MAP2K5: variants seen among roughly 807,000 people sequenced by gnomAD.
The protein encoded by MAP2K5 is mitogen-activated protein kinase kinase 5.
MAP2K5 carries 49 observed loss-of-function variants against 83.1 expected under a neutral mutation model. That is an observed-to-expected ratio of 0.59 (90% confidence interval 0.47 to 0.75). The LOEUF (loss-of-function observed/expected upper bound fraction) is 0.75. Among genes scored for constraint, MAP2K5 ranks in the 30% least tolerant of loss-of-function variants. MAP2K5 has a pLI of 0.00. For synonymous variants in MAP2K5, 202 were observed against 191.8 expected (o/e 1.05, Z -0.44); for missense variants, 457 against 557.5 (o/e 0.82, Z 1.82).
chr15:67,566,594 T>C (rs538426645), intron 3 of MAP2K5, among the ~76,000 whole-genome samples: 12 of 152,344 alleles, frequency 7.9e-5, no homozygotes, highest in African/African-American at 2.6e-4. Context: ...CCTTTAATCA[T>C]TCTTTTTCAT....
chr15:67,592,935 GTCT>G lies in MAP2K5; in HGVS notation c.445_447del (p.Ser149del). 1.2e-6 allele frequency: 2 copies of G among 1,607,810 alleles called. No homozygotes were observed. The highest frequency in any genetic ancestry group is 2.7e-5 in the African/African-American group (2 of 74,852). Reference sequence around the variant, plus strand: ...TATCTTTCCTTTTCAGCTTAAAGAAGTCTTCTGCTGAACTGAAAAAAATACTAG... The same window carrying G: ...TATCTTTCCTTTTCAGCTTAAAGAAGTCTGCTGAACTGAAAAAAATACTAG... On this transcript the variant is annotated inframe_deletion, in exon 7 of 22. Coordinates refer to ENST00000178640, the MANE Select transcript of MAP2K5 (RefSeq NM_145160.3).
At chr15:67,674,450 G>T (rs1027930574) in intron 13 of MAP2K5, among the ~76,000 whole-genome samples, 3 of 151,978 alleles carry the variant, frequency 2.0e-5, no homozygotes, top group African/African-American at 7.3e-5. Flanking sequence ...ATTATAACTT[G>T]TGAATGTGTA....
At chr15:67,611,008 G>A (rs1481193848) in intron 8 of MAP2K5, among the ~76,000 whole-genome samples, 1 of 152,108 alleles carries the variant, frequency 6.6e-6, no homozygotes, top group Non-Finnish European at 1.5e-5. Flanking sequence ...TTGCTTTAGG[G>A]CACAATCAAT....
Position 67,644,093 on chromosome 15 carries a change from C to T in MAP2K5, c.586-2138C>T, listed in dbSNP as rs1209262494. On this transcript the variant is annotated intron_variant, in intron 9 of 21. Transcript: ENST00000178640. The surrounding 1 kb of genome is among the most constrained non-coding windows in gnomAD (Gnocchi z 4.6). ...CCACCTATTCTATTCTCATCACTGC[C>T]TTTTAAAAGTAAAAAACAAGCTGGG... 6.6e-6 allele frequency among the ~76,000 whole-genome samples: 1 copy of T among 152,168 alleles called. No individual in the cohort carries two copies. The highest frequency in any genetic ancestry group is 1.5e-5 in the Non-Finnish European group (1 of 68,032).
In MAP2K5 at chr15:67,545,111, G is replaced by A. The variant is rs1026677238; in HGVS notation, c.135+1641G>A. 1.7e-4 allele frequency among the ~76,000 whole-genome samples: 26 copies of A among 152,144 alleles called. 1 individual carries two copies. Among genetic ancestry groups the A allele is most frequent in the Non-Finnish European group, 2.2e-4 (15 of 68,030 alleles). On this transcript the variant is annotated intron_variant, in intron 1 of 21. Coordinates refer to ENST00000178640, the MANE Select transcript of MAP2K5 (RefSeq NM_145160.3). ...TTTCTCCCAGGTGTCCAGGCTGTCTGCACTCTGCTCTTCACCGGTCAATTC... is the reference window on the plus strand; with the variant it reads ...TTTCTCCCAGGTGTCCAGGCTGTCTACACTCTGCTCTTCACCGGTCAATTC...
chr15:67,580,686 C>A, intron 3 of MAP2K5, 68 bp from the exon 4 acceptor site: 1 of 991,122 alleles, frequency 1.0e-6, no homozygotes, highest in Non-Finnish European at 1.6e-6. Context: ...GTGAATTAAA[C>A]AACCCATAAG....
chr15:67,721,298 C>G (rs928427564), intron 16 of MAP2K5, among the ~76,000 whole-genome samples: 4 of 152,050 alleles, frequency 2.6e-5, no homozygotes, highest in Non-Finnish European at 5.9e-5. Context: ...TTTATTTGTG[C>G]TACTGTTTGG....
rs539369625 is a variant in MAP2K5, at chr15:67,770,377, C to A, written c.1196+714C>A. Among the ~76,000 whole-genome samples, 2 of 152,310 alleles carry A rather than the reference C, an allele frequency of 1.3e-5. No individual in the cohort carries two copies. Among genetic ancestry groups the A allele is most frequent in the Admixed American group, 6.5e-5 (1 of 15,294 alleles). Reference sequence around the variant, plus strand: ...TTTCACCATCATTCCCCTCTTCCCTCGTCCTGCAGGACTCATGTGGCCTTG... The same window carrying A: ...TTTCACCATCATTCCCCTCTTCCCTAGTCCTGCAGGACTCATGTGGCCTTG... On this transcript the variant is annotated intron_variant, in intron 20 of 21. Coordinates refer to ENST00000178640, the MANE Select transcript of MAP2K5 (RefSeq NM_145160.3). The surrounding 1 kb of genome is among the most constrained non-coding windows in gnomAD (Gnocchi z 5.0).
chr15:67,611,578 G>A (rs973190013), intron 8 of MAP2K5, among the ~76,000 whole-genome samples: 7 of 152,144 alleles, frequency 4.6e-5, no homozygotes, highest in Admixed American at 6.6e-5. Flanking sequence ...CAAGCTTCAT[G>A]TTATGGCCCC....
At chr15:67,624,306 TCCAGCCTG>T (rs2086260313) in intron 8 of MAP2K5, among the ~76,000 whole-genome samples, 1 of 123,030 alleles carries the variant, frequency 8.1e-6, no homozygotes, top group African/African-American at 3.2e-5. Context: ...GCTGCTGCAC[TCCAGCCTG>T]GGCGACAGAG....
At chr15:67,700,571 C>A (rs2088389893) in intron 15 of MAP2K5, among the ~76,000 whole-genome samples, 1 of 152,120 alleles carries the variant, frequency 6.6e-6, no homozygotes, top group Non-Finnish European at 1.5e-5. Flanking sequence ...GGCAGGCCAC[C>A]TTGGCTTCAA....
intron 2 of MAP2K5, among the ~76,000 whole-genome samples, chr15:67,558,103 T>A (rs901526990): frequency 1.3e-5 from 2 of 152,208 alleles, no homozygotes; most frequent in Non-Finnish European, 2.9e-5. Flanking sequence ...TTATTAATAG[T>A]CTTGCTAATT....
intron 19 of MAP2K5, among the ~76,000 whole-genome samples, chr15:67,762,490 A>G (rs1427202383): frequency 6.6e-6 from 1 of 152,066 alleles, no homozygotes; most frequent in Non-Finnish European, 1.5e-5. Context: ...TTTTCAAGAA[A>G]TGTAATAAAA....
rs144705301 is a variant in MAP2K5, at chr15:67,562,697, T to C, written c.185-586T>C. Reference sequence around the variant, plus strand: ...CCTGTATTAGAGCTGCTTTACAAGTTAACCTTGCACTAGGCCTAGGTTCTC... The same window carrying C: ...CCTGTATTAGAGCTGCTTTACAAGTCAACCTTGCACTAGGCCTAGGTTCTC... On this transcript the variant is annotated intron_variant, in intron 2 of 21. Coordinates refer to ENST00000178640, the MANE Select transcript of MAP2K5 (RefSeq NM_145160.3). The surrounding 1 kb of genome is among the most constrained non-coding windows in gnomAD (Gnocchi z 4.1). 0.015 allele frequency among the ~76,000 whole-genome samples: 2,339 copies of C among 152,314 alleles called. 26 individuals carry two copies. Among genetic ancestry groups the C allele is most frequent in the Middle Eastern group, 0.031 (9 of 294 alleles).
intron 8 of MAP2K5, among the ~76,000 whole-genome samples, chr15:67,607,099 T>C (rs1367914676): frequency 1.3e-5 from 2 of 152,224 alleles, no homozygotes; most frequent in Non-Finnish European, 2.9e-5. Context: ...AAAATTGACC[T>C]GAGAGCTAGA....
At chr15:67,792,851 G>T (rs1418570389) in intron 21 of MAP2K5, among the ~76,000 whole-genome samples, 3 of 152,176 alleles carry the variant, frequency 2.0e-5, no homozygotes, top group African/African-American at 7.2e-5. Flanking sequence ...GAATTCAGAG[G>T]ATCGGCAAGC....
At chr15:67,689,467 C>A (rs1487116781) in intron 13 of MAP2K5, among the ~76,000 whole-genome samples, 3 of 152,016 alleles carry the variant, frequency 2.0e-5, no homozygotes, top group Non-Finnish European at 2.9e-5. Flanking sequence ...ACAGAATGAA[C>A]AAAGCCTTAA....
Position 67,555,653 on chromosome 15 carries a change from A to C in MAP2K5, c.184+5571A>C, listed in dbSNP as rs2084609018. Among the ~76,000 whole-genome samples the C allele has an allele frequency of 6.6e-6, 1 of 152,220 alleles. No homozygotes were observed. Among genetic ancestry groups the C allele is most frequent in the Admixed American group, 6.5e-5 (1 of 15,276 alleles). On this transcript the variant is annotated intron_variant, in intron 2 of 21. Transcript: ENST00000178640. This position sits in a 1 kb window ranked among gnomAD's most constrained non-coding sequence, Gnocchi z 5.2. ...TTCCCTCCAACCCCATCAACTCTGG[A>C]TATTAGCAAACCTTTTAGTCAATGT...
intron 21 of MAP2K5, among the ~76,000 whole-genome samples, chr15:67,796,131 G>C (rs1484201954): frequency 6.6e-6 from 1 of 151,970 alleles, no homozygotes; most frequent in Non-Finnish European, 1.5e-5. Flanking sequence ...TTTAACTAAG[G>C]CTCTATTAAT....
Sources: allele counts gnomAD v4.1 joint callset (sites outside exome capture counted in the v4.1 genomes callset), GRCh38; gene constraint gnomAD v4.1.1; non-coding constraint Gnocchi (gnomAD v3.1); transcripts MANE v1.5; gene names NCBI Gene and HGNC (gene_info 2026-07-23, HGNC 2026-07-21).